The following MAF variants were observed in gnomAD, a reference collection of about 807,000 sequenced individuals.
MAF encodes MAF bZIP transcription factor, also known as transcription factor Maf.
MAF carries 10 observed loss-of-function variants against 22.0 expected under a neutral mutation model. The observed-to-expected ratio is 0.45, with a 90% CI of 0.28 to 0.77. MAF has a LOEUF of 0.77. MAF is among the 30% of genes least tolerant of loss of function. The probability of loss-of-function intolerance (pLI) is 0.12; values close to 1 mark genes in which losing one functional copy is unlikely to be tolerated. For synonymous variants in MAF, 337 were observed against 255.8 expected, an observed-to-expected ratio of 1.32 and a Z score of -3.03; for missense variants, 544 against 548.4, an observed-to-expected ratio of 0.99 and a Z score of 0.08.
chr16:79,388,893 C>T, the MAF span, among the ~76,000 whole-genome samples: 1 of 152,204 alleles, frequency 6.6e-6, no homozygotes, highest in African/African-American at 2.4e-5. Flanking sequence ...AGCCAGAACT[C>T]AGCTAGCTTG....
chr16:79,391,098 A>G, the MAF span, among the ~76,000 whole-genome samples: 1 of 152,134 alleles, frequency 6.6e-6, no homozygotes, highest in African/African-American at 2.4e-5. Flanking sequence ...ACCTTGTTCC[A>G]TCATCATAGC....
chr16:79,239,766 A>G, the MAF span, among the ~76,000 whole-genome samples: 1 of 152,068 alleles, frequency 6.6e-6, no homozygotes, highest in African/African-American at 2.4e-5. Flanking sequence ...AGGATAGTCC[A>G]GGCACATTGT....
At chr16:79,217,825 G>A in the MAF span, among the ~76,000 whole-genome samples, 1 of 151,882 alleles carries the variant, frequency 6.6e-6, no homozygotes, top group African/African-American at 2.4e-5. Flanking sequence ...TGTGGCTTGT[G>A]GTTTTGCTTT....
the MAF span, among the ~76,000 whole-genome samples, chr16:79,278,805 G>A: frequency 1.3e-5 from 2 of 152,158 alleles, no homozygotes; most frequent in African/African-American, 4.8e-5. Flanking sequence ...CTTCCTGCCT[G>A]CTGGCCCCCA....
At chr16:79,446,705 A>T in the MAF span, among the ~76,000 whole-genome samples, 241 of 151,952 alleles carry the variant, frequency 1.6e-3, 1 homozygote, top group Middle Eastern at 6.8e-3. Context: ...TGAACCCAGA[A>T]GTTCAAGACC....
chr16:79,356,366 G>C, the MAF span, among the ~76,000 whole-genome samples: 67 of 152,304 alleles, frequency 4.4e-4, no homozygotes, highest in Non-Finnish European at 7.9e-4. Context: ...TCATGATGCA[G>C]TCTGGTGGCC....
the MAF span, among the ~76,000 whole-genome samples, chr16:79,245,527 GA>G: frequency 6.6e-6 from 1 of 152,066 alleles, no homozygotes; most frequent in African/African-American, 2.4e-5. Context: ...ACACCAGTTA[GA>G]ATGGCGATCA....
chr16:79,562,526 A>G, the MAF span, among the ~76,000 whole-genome samples: 1 of 152,194 alleles, frequency 6.6e-6, no homozygotes, highest in East Asian at 1.9e-4. Flanking sequence ...CCAGACCACA[A>G]AACATTTCTT....
the MAF span, among the ~76,000 whole-genome samples, chr16:79,219,476 G>C: frequency 2.0e-5 from 3 of 147,150 alleles, no homozygotes; most frequent in African/African-American, 7.6e-5. Context: ...GCGTGAACCC[G>C]GGGGGCGGAG....
the MAF span, among the ~76,000 whole-genome samples, chr16:79,227,260 G>A: frequency 2.0e-5 from 3 of 152,142 alleles, no homozygotes; most frequent in East Asian, 5.8e-4. Context: ...CTGAGGTAGG[G>A]GGATCGCCTG....
the MAF span, among the ~76,000 whole-genome samples, chr16:79,577,930 C>T: frequency 6.6e-6 from 1 of 152,098 alleles, no homozygotes; most frequent in South Asian, 2.1e-4. Flanking sequence ...AAACTGAGCT[C>T]TGGGTAACCT....
chr16:79,466,707 G>A, the MAF span, among the ~76,000 whole-genome samples: 5,633 of 152,332 alleles, frequency 0.037, 298 homozygotes, highest in African/African-American at 0.12. Flanking sequence ...AGAAGACTGT[G>A]TGTGTTGAAT....
At chr16:79,373,359 C>CTTT in the MAF span, among the ~76,000 whole-genome samples, 337 of 33,324 alleles carry the variant, frequency 0.01, 139 homozygotes, top group Non-Finnish European at 0.017. Context: ...GGACTGGTAG[C>CTTT]TTTTTTTTTT....
the MAF span, among the ~76,000 whole-genome samples, chr16:79,428,800 G>C: frequency 6.6e-6 from 1 of 151,834 alleles, no homozygotes; most frequent in Non-Finnish European, 1.5e-5. Context: ...AGCTGAGATT[G>C]TACCACTGCA....
At chr16:79,532,418 T>C in the MAF span, among the ~76,000 whole-genome samples, 4 of 152,216 alleles carry the variant, frequency 2.6e-5, no homozygotes, top group Non-Finnish European at 5.9e-5. Context: ...GTGAAACAAA[T>C]GTGCAGTGAG....
the MAF span, among the ~76,000 whole-genome samples, chr16:79,493,158 G>T: frequency 1.2e-4 from 18 of 147,968 alleles, no homozygotes; most frequent in Admixed American, 1.2e-3. Context: ...GTTTTGTCTT[G>T]TTTTGTTTTG....
At chr16:79,235,717 T>G in the MAF span, among the ~76,000 whole-genome samples, 1 of 152,018 alleles carries the variant, frequency 6.6e-6, no homozygotes. Flanking sequence ...ACCTCAATGT[T>G]GGGAGGTGGG....
At chr16:79,408,951 CTTT>C in the MAF span, among the ~76,000 whole-genome samples, 22 of 140,872 alleles carry the variant, frequency 1.6e-4, no homozygotes, top group African/African-American at 2.4e-4. Flanking sequence ...TTTTTTACTG[CTTT>C]TTTTTTTTTT....
the MAF span, among the ~76,000 whole-genome samples, chr16:79,451,590 G>T: frequency 6.6e-6 from 1 of 152,180 alleles, no homozygotes; most frequent in South Asian, 2.1e-4. Context: ...AAATGCAAAT[G>T]AGTTACATGT....
Sources: gnomAD v4.1 joint callset for allele counts (sites outside exome capture counted in the v4.1 genomes callset) on GRCh38, gnomAD v4.1.1 for gene constraint, MANE v1.5 for transcripts, NCBI Gene and HGNC (gene_info 2026-07-23, HGNC 2026-07-21) for gene names.